ADCY3: variants seen among roughly 807,000 people sequenced by gnomAD.
ADCY3 encodes adenylate cyclase 3.
In ADCY3, 70 loss-of-function variants were observed where a neutral mutation model predicts 119.4. The observed-to-expected ratio is 0.59, with a 90% CI of 0.48 to 0.72. ADCY3 has a LOEUF of 0.72. ADCY3 is among the 30% of genes least tolerant of loss of function. ADCY3 has a pLI of 0.00. For synonymous variants in ADCY3, 672 were observed against 621.4 expected, an observed-to-expected ratio of 1.08 and a Z score of -1.21; for missense variants, 1,238 against 1,541.6, an observed-to-expected ratio of 0.80 and a Z score of 3.30.
At chr2:24,866,791 A>C (rs1674368643) in intron 3 of ADCY3, among the ~76,000 whole-genome samples, 5 of 152,174 alleles carry the variant, frequency 3.3e-5, no homozygotes, top group Admixed American at 3.3e-4. Context: ...TATATAATTG[A>C]AATTGATGAC....
chr2:24,919,068 C>A lies in ADCY3; in HGVS notation c.-81G>T, dbSNP rs1035128788. On this transcript the variant is annotated 5_prime_UTR_variant, in exon 2 of 22. Coordinates refer to ENST00000679454, the MANE Select transcript of ADCY3 (RefSeq NM_004036.5). The surrounding 1 kb of genome is among the most constrained non-coding windows in gnomAD (Gnocchi z 5.5). ...CTCTGGACTGGGCCTCCTCTCAGGG[C>A]TCTCTGAGACCGGGGGAGGGCTGAG... 2 of 1,381,500 alleles carry A rather than the reference C, an allele frequency of 1.4e-6. No individual in the cohort carries two copies. The highest frequency in any genetic ancestry group is 1.9e-6 in the Non-Finnish European group (2 of 1,042,136). The allele number at this position is 1,381,500 out of a possible 1,614,324, so 85.6% of individuals were successfully genotyped here.
chr2:24,836,132 G>A (rs975051787), intron 9 of ADCY3, among the ~76,000 whole-genome samples: 3 of 152,166 alleles, frequency 2.0e-5, no homozygotes, highest in Admixed American at 6.5e-5. Context: ...GTCAGGGCCC[G>A]AAAAATCAGG....
chr2:24,847,974 C>T (rs142218618), intron 3 of ADCY3, among the ~76,000 whole-genome samples: 172 of 152,248 alleles, frequency 1.1e-3, no homozygotes, highest in African/African-American at 3.9e-3. Context: ...TTGAGGCTCG[C>T]GGGGCAGGAG....
chr2:24,833,917 TC>T (rs1323154338), intron 11 of ADCY3, among the ~76,000 whole-genome samples: 2 of 152,172 alleles, frequency 1.3e-5, no homozygotes, highest in Non-Finnish European at 2.9e-5. Flanking sequence ...TCCAGACCCC[TC>T]CTCTGTGACG....
At chr2:24,912,603 GCAT>G in intron 2 of ADCY3, among the ~76,000 whole-genome samples, 1 of 39,682 alleles carries the variant, frequency 2.5e-5, no homozygotes, top group African/African-American at 4.6e-4. Context: ...GTGTGTGTGT[GCAT>G]GTGTGTGTGT....
chr2:24,821,737 A>C, intron 19 of ADCY3, 97 bp from the exon 20 acceptor site: 3 of 1,523,764 alleles, frequency 2.0e-6, no homozygotes, highest in Non-Finnish European at 2.7e-6. Context: ...TGGATTCCCT[A>C]CACCTAGATG....
chr2:24,839,577 G>A (rs1670754755), intron 7 of ADCY3, among the ~76,000 whole-genome samples: 1 of 152,184 alleles, frequency 6.6e-6, no homozygotes, highest in Non-Finnish European at 1.5e-5. Context: ...CCCCTTAGTG[G>A]GTAAAGGGGA....
rs1678571764 is a variant in ADCY3 at position 24,898,729 on chromosome 2, C to T, written c.675+19584G>A. 6.6e-6 allele frequency among the ~76,000 whole-genome samples: 1 copy of T among 152,156 alleles called. No homozygotes were observed. The highest frequency in any genetic ancestry group is 2.4e-5 in the African/African-American group (1 of 41,444). On this transcript the variant is annotated intron_variant, in intron 2 of 21. Coordinates refer to ENST00000679454, the MANE Select transcript of ADCY3 (RefSeq NM_004036.5). This position sits in a 1 kb window ranked among gnomAD's most constrained non-coding sequence, Gnocchi z 4.3. ...GCTCCAGGTCTCTGGGGAGACAACC[C>T]TTGCCTGGGGAAGCCTGGGAGGTTC...
At chr2:24,880,741 C>T (rs1676280468) in intron 2 of ADCY3, among the ~76,000 whole-genome samples, 1 of 152,164 alleles carries the variant, frequency 6.6e-6, no homozygotes, top group African/African-American at 2.4e-5. Context: ...TCCAGCTGGG[C>T]ATGGTGGCTC....
At chr2:24,840,918 T>C (rs1417322397) in intron 6 of ADCY3, among the ~76,000 whole-genome samples, 1 of 152,068 alleles carries the variant, frequency 6.6e-6, no homozygotes, top group Non-Finnish European at 1.5e-5. Flanking sequence ...TGAGGAGAGA[T>C]GGGGAGCCCC....
chr2:24,887,777 C>G (rs967236334), intron 2 of ADCY3, among the ~76,000 whole-genome samples: 1 of 152,194 alleles, frequency 6.6e-6, no homozygotes, highest in Non-Finnish European at 1.5e-5. Flanking sequence ...TTTAAACTCG[C>G]TGCCTCCCCT....
intron 3 of ADCY3, among the ~76,000 whole-genome samples, chr2:24,843,144 T>G (rs1671248265): frequency 6.6e-6 from 1 of 152,176 alleles, no homozygotes; most frequent in Non-Finnish European, 1.5e-5. Context: ...GGGATTTCTG[T>G]GGAGGTAAAA....
chr2:24,857,052 C>T (rs1027914314), intron 3 of ADCY3, among the ~76,000 whole-genome samples: 7 of 152,224 alleles, frequency 4.6e-5, no homozygotes, highest in Non-Finnish European at 7.3e-5. Context: ...TCAGTGTTGG[C>T]GGGGCCAGAC....
intron 2 of ADCY3, among the ~76,000 whole-genome samples, chr2:24,909,759 C>A (rs1663347764): frequency 1.3e-5 from 2 of 152,204 alleles, no homozygotes; most frequent in Non-Finnish European, 2.9e-5. Context: ...GTCTCCCCAG[C>A]ATCCCCCATG....
At chr2:24,906,078 G>A (rs1280008690) in intron 2 of ADCY3, among the ~76,000 whole-genome samples, 7 of 152,088 alleles carry the variant, frequency 4.6e-5, no homozygotes, top group African/African-American at 1.2e-4. Flanking sequence ...AGGCTGAGGC[G>A]GGCGGATCAC....
intron 14 of ADCY3, 53 bp downstream of exon 14, chr2:24,827,849 T>C (rs1432887912): frequency 2.5e-6 from 4 of 1,605,378 alleles, no homozygotes; most frequent in Non-Finnish European, 8.5e-7. Flanking sequence ...ACTGAGGACT[T>C]TGCGGGCGGG....
chr2:24,845,925 G>C (rs1259490140), intron 3 of ADCY3, among the ~76,000 whole-genome samples: 1 of 152,256 alleles, frequency 6.6e-6, no homozygotes, highest in Admixed American at 6.5e-5. Flanking sequence ...GCAGAGCCTG[G>C]GCTGTGGCTT....
intron 3 of ADCY3, among the ~76,000 whole-genome samples, chr2:24,855,177 C>A (rs1182932711): frequency 6.8e-6 from 1 of 146,528 alleles, no homozygotes; most frequent in Admixed American, 6.7e-5. Flanking sequence ...CAGGCTGTGT[C>A]CTTAGCCCCA....
chr2:24,849,062 TG>T (rs1671989177), intron 3 of ADCY3, among the ~76,000 whole-genome samples: 1 of 152,152 alleles, frequency 6.6e-6, no homozygotes, highest in East Asian at 1.9e-4. Context: ...GGGAGGGACG[TG>T]GAACGTGAGG....
Sources: gnomAD v4.1 joint callset for allele counts (sites outside exome capture counted in the v4.1 genomes callset) on GRCh38, gnomAD v4.1.1 for gene constraint, Gnocchi (gnomAD v3.1) non-coding constraint, MANE v1.5 for transcripts, NCBI Gene and HGNC (gene_info 2026-07-23, HGNC 2026-07-21) for gene names.